The following CFAP100 variants were observed in gnomAD, a reference collection of about 807,000 sequenced individuals.
The protein encoded by CFAP100 is cilia- and flagella-associated protein 100.
Under a neutral mutation model 81.5 loss-of-function variants are expected in CFAP100, and 70 were observed. That is an observed-to-expected ratio of 0.86 (90% CI 0.71 to 1.05). The LOEUF is 1.05. CFAP100 is among the 50% of genes least tolerant of loss of function. The pLI is 0.00. For missense variants in CFAP100, 811 were observed against 776.5 expected (o/e 1.04, Z -0.53); for synonymous variants, 341 against 314.8 (o/e 1.08, Z -0.88).
In CFAP100 at chr3:126,396,263, T is replaced by C. The variant is rs146316193; in HGVS notation, c.49+214T>C. On this transcript the variant is annotated intron_variant, in intron 2 of 16. Transcript: ENST00000352312. ...GGGCTGGAGTCACAGACATTTGTTT[T>C]CTCAAGCTCTGGGGGCTGGATGTCT... 3.0e-4 allele frequency among the ~76,000 whole-genome samples: 45 copies of C among 152,276 alleles called. 1 individual carries two copies. Among genetic ancestry groups the C allele is most frequent in the African/African-American group, 1.0e-3 (43 of 41,568 alleles).
chr3:126,406,986 C>T (rs1481498353), intron 2 of CFAP100, among the ~76,000 whole-genome samples, 186 bp from the exon 3 acceptor site: 2 of 152,244 alleles, frequency 1.3e-5, no homozygotes, highest in Non-Finnish European at 2.9e-5. Flanking sequence ...TATTTTCTTG[C>T]ACAATTCTCA....
intron 13 of CFAP100, among the ~76,000 whole-genome samples, chr3:126,432,532 A>G (rs1406953835): frequency 6.6e-6 from 1 of 150,900 alleles, no homozygotes. Context: ...TGAAGTGCTG[A>G]CACATGCTGC....
chr3:126,421,830 C>T (rs534023399), intron 11 of CFAP100, among the ~76,000 whole-genome samples: 21 of 152,274 alleles, frequency 1.4e-4, no homozygotes, highest in Admixed American at 2.0e-4. Context: ...CATGCTGCTG[C>T]GCCACGCACA....
intron 13 of CFAP100, 64 bp from the exon 14 acceptor site, chr3:126,433,005 G>A: frequency 1.3e-6 from 2 of 1,591,598 alleles, no homozygotes; most frequent in Non-Finnish European, 1.7e-6. Context: ...GACAGGCTCA[G>A]AGAAGCGATG....
chr3:126,416,608 A>G, intron 5 of CFAP100, 100 bp downstream of exon 5: 2 of 1,032,342 alleles, frequency 1.9e-6, no homozygotes, highest in South Asian at 3.4e-5. Flanking sequence ...TCTTGCACAG[A>G]TGGGAAGTGC....
chr3:126,419,959 C>G lies in CFAP100; in HGVS notation c.914-21C>G, dbSNP rs371860709. 14 of 1,606,974 alleles carry G rather than the reference C, an allele frequency of 8.7e-6. No homozygotes were observed. The East Asian group carries it at 3.1e-4, about 36-fold the overall frequency. On this transcript the variant is annotated intron_variant, in intron 9 of 16. Transcript: ENST00000352312. ...TTGGCTGCAGCTGAGGCCATCGGGG[C>G]CCCCCCTTTGCTTCCTGCAGGACCA...
At chr3:126,433,896 C>T (rs1479860900) in intron 14 of CFAP100, 1 of 447,766 alleles carries the variant, frequency 2.2e-6, no homozygotes, top group Non-Finnish European at 4.0e-6. Flanking sequence ...GTGCAGGGTT[C>T]CCTGGAGGAG....
At chr3:126,417,461 GGCCTCCA>G (rs1273836270) in intron 5 of CFAP100, among the ~76,000 whole-genome samples, 5 of 152,194 alleles carry the variant, frequency 3.3e-5, no homozygotes, top group African/African-American at 1.2e-4. Context: ...AACACACAAG[GGCCTCCA>G]GCCTCCACCT....
At chr3:126,435,457 T>G in intron 15 of CFAP100, 102 bp from the exon 16 acceptor site, 4 of 863,310 alleles carry the variant, frequency 4.6e-6, no homozygotes, top group East Asian at 2.8e-5. Context: ...GAGCTGGGAG[T>G]TTTCTTGAGG....
intron 2 of CFAP100, among the ~76,000 whole-genome samples, chr3:126,399,499 A>T (rs537801502): frequency 6.6e-6 from 1 of 152,352 alleles, no homozygotes; most frequent in East Asian, 1.9e-4. Flanking sequence ...AGAAAATCTC[A>T]AAGAATCCAC....
rs370803030 is a variant in CFAP100 at position 126,418,692 on chromosome 3, G to A, written c.568G>A (p.Glu190Lys). ...AGAGGAGGCCAGGCTGGAGCGGGCC[G>A]AGAAATCCCTGGAGAAGGACGCCGC... Reference protein sequence around the residue: ...TKEEARLERAEKSLEKDAALF... With the variant: ...TKEEARLERAKKSLEKDAALF... The change falls in exon 7 of 17, where the codon GAG becomes AAG. Residue 190 changes from glutamate to lysine, a missense_variant. Glu to Lys is a moderately conservative substitution (Grantham distance 56). Transcript: ENST00000352312. The A allele has an allele frequency of 2.2e-5, 35 of 1,584,622 alleles. No individual in the cohort carries two copies. Among genetic ancestry groups the A allele is most frequent in the Admixed American group, 9.2e-5 (5 of 54,128 alleles).
intron 7 of CFAP100, 36 bp from the exon 8 acceptor site, chr3:126,419,040 G>GGC: frequency 1.1e-5 from 9 of 801,120 alleles, no homozygotes; most frequent in East Asian, 2.7e-5. Context: ...CTGGCCCCTT[G>GGC]CCCCCATCCC....
At chr3:126,407,092 T>C in intron 2 of CFAP100, 80 bp from the exon 3 acceptor site, 4 of 944,354 alleles carry the variant, frequency 4.2e-6, no homozygotes, top group Middle Eastern at 2.6e-4. Flanking sequence ...GTCTGAGACA[T>C]TCCCCGCCTC....
intron 2 of CFAP100, among the ~76,000 whole-genome samples, chr3:126,403,111 C>T (rs551059389): frequency 2.8e-4 from 43 of 152,014 alleles, no homozygotes; most frequent in Non-Finnish European, 5.9e-4. Flanking sequence ...GCTCAGTTGG[C>T]GATGTGTAGG....
chr3:126,426,452 C>G (rs1932941207), intron 13 of CFAP100, among the ~76,000 whole-genome samples: 1 of 124,816 alleles, frequency 8.0e-6, no homozygotes, highest in African/African-American at 2.8e-5. Context: ...GAGACCCTGT[C>G]TTAAAAAAAA....
intron 12 of CFAP100, 29 bp downstream of exon 12, chr3:126,423,405 C>T (rs372646846): frequency 8.1e-6 from 13 of 1,610,090 alleles, no homozygotes; most frequent in African/African-American, 1.3e-5. Flanking sequence ...GGCTGGAATT[C>T]GGAAGTCGCC....
chr3:126,423,355 GGACACC>G lies in CFAP100; in HGVS notation c.1118_1123del (p.Thr373_Asp374del). On this transcript the variant is annotated inframe_deletion, in exon 12 of 17. Transcript: ENST00000352312. ...ACTCTCCCATCCCCCCCACGCAGGA[GGACACC>G]GACAGCGATGGGGAGGTGAATGGCC... is the stretch of plus-strand genomic sequence containing the variant. The G allele has an allele frequency of 6.2e-7, 1 of 1,613,676 alleles. No individual in the cohort carries two copies. The highest frequency in any genetic ancestry group is 8.5e-7 in the Non-Finnish European group (1 of 1,179,862).
intron 2 of CFAP100, among the ~76,000 whole-genome samples, chr3:126,405,297 G>A (rs1327770191): frequency 6.6e-6 from 1 of 152,148 alleles, no homozygotes; most frequent in African/African-American, 2.4e-5. Flanking sequence ...TTGTGTGTAA[G>A]CAGGTGAGCT....
At position 126,416,420 on chromosome 3, in the gene CFAP100, C is replaced by G. The variant is rs1385946163; in HGVS notation, c.330C>G (p.Asp110Glu). The G allele has an allele frequency of 6.2e-7, 1 of 1,612,046 alleles. No homozygotes were observed. The highest frequency in any genetic ancestry group is 1.7e-5 in the Admixed American group (1 of 59,934). Residue 110 changes from aspartate to glutamate, a missense_variant, in exon 5 of 17, where the codon GAC (aspartate) becomes GAG (glutamate). By Grantham distance (45) the Asp-to-Glu change is conservative. Transcript: ENST00000352312. Reference protein sequence around the residue: ...TSLRRQLQLEDKQEDLEARAE... With the variant: ...TSLRRQLQLEEKQEDLEARAE... Reference sequence around the variant, plus strand: ...TGCGGCGGCAGCTGCAGCTGGAGGACAAGCAGGAGGACCTGGAGGCGCGCG... The same window carrying G: ...TGCGGCGGCAGCTGCAGCTGGAGGAGAAGCAGGAGGACCTGGAGGCGCGCG...
Sources: allele counts gnomAD v4.1 joint callset (sites outside exome capture counted in the v4.1 genomes callset), GRCh38; gene constraint gnomAD v4.1.1; transcripts MANE v1.5; gene names NCBI Gene and HGNC (gene_info 2026-07-23, HGNC 2026-07-21).